Variants in ARMH4 observed in about 807,000 individuals in gnomAD.
ARMH4 encodes the protein armadillo-like helical domain-containing protein 4.
Under a neutral mutation model 61.9 loss-of-function variants are expected in ARMH4, and 49 were observed. The ratio of observed to expected loss-of-function variants is 0.79; its 90% confidence interval spans 0.63 to 1.00. The LOEUF (loss-of-function observed/expected upper bound fraction) is 1.00. Among genes scored for constraint, ARMH4 ranks in the 50% least tolerant of loss-of-function variants. The pLI is 0.00. For synonymous variants in ARMH4, 368 were observed against 341.5 expected, an observed-to-expected ratio of 1.08 and a Z score of -0.85; for missense variants, 934 against 930.0, an observed-to-expected ratio of 1.00 and a Z score of -0.06.
intron 1 of ARMH4, among the ~76,000 whole-genome samples, chr14:58,143,494 C>T (rs1262684331): frequency 2.0e-5 from 3 of 152,128 alleles, no homozygotes; most frequent in Non-Finnish European, 4.4e-5. Flanking sequence ...GATGGAGTCT[C>T]ACTCTGTTGC....
intron 4 of ARMH4, among the ~76,000 whole-genome samples, chr14:58,126,609 A>T (rs1199373056): frequency 1.3e-5 from 2 of 152,200 alleles, no homozygotes. Flanking sequence ...TTTCTGCCCC[A>T]TGTATGGTGC....
intron 5 of ARMH4, among the ~76,000 whole-genome samples, chr14:58,029,039 C>A (rs1883120375): frequency 6.6e-6 from 1 of 151,952 alleles, no homozygotes. Context: ...TATCAACACC[C>A]CCCCTCCAAA....
At chr14:58,115,126 A>G (rs370642202) in intron 4 of ARMH4, among the ~76,000 whole-genome samples, 1 of 152,336 alleles carries the variant, frequency 6.6e-6, no homozygotes, top group East Asian at 1.9e-4. Context: ...TTTGCACAGC[A>G]AAAGAAACTA....
chr14:58,148,279 T>C (rs545812805), intron 1 of ARMH4, among the ~76,000 whole-genome samples: 175 of 152,286 alleles, frequency 1.1e-3, no homozygotes, highest in African/African-American at 4.1e-3. Flanking sequence ...ACTCTTGGCT[T>C]CGTGATCCAC....
intron 5 of ARMH4, among the ~76,000 whole-genome samples, chr14:58,028,092 C>T (rs994081524): frequency 6.6e-6 from 1 of 152,174 alleles, no homozygotes; most frequent in Non-Finnish European, 1.5e-5. Context: ...GAAGTACAGC[C>T]AGTCTCAACT....
intron 5 of ARMH4, among the ~76,000 whole-genome samples, chr14:58,058,376 A>G (rs1306959890): frequency 6.6e-6 from 1 of 152,188 alleles, no homozygotes. Context: ...AAGTAAAGGA[A>G]TAAAAGAATG....
chr14:58,061,580 A>C (rs1207531391), intron 5 of ARMH4, among the ~76,000 whole-genome samples: 2 of 152,234 alleles, frequency 1.3e-5, no homozygotes, highest in Non-Finnish European at 2.9e-5. Context: ...TGAGAGTTAC[A>C]GGAGAAATGA....
At chr14:58,076,946 C>G (rs1885066167) in intron 5 of ARMH4, among the ~76,000 whole-genome samples, 1 of 152,208 alleles carries the variant, frequency 6.6e-6, no homozygotes, top group Non-Finnish European at 1.5e-5. Flanking sequence ...GCTTTGTCTA[C>G]ACCAAGGCTT....
intron 1 of ARMH4, among the ~76,000 whole-genome samples, chr14:58,140,361 A>T (rs989137457): frequency 3.3e-5 from 5 of 151,658 alleles, no homozygotes; most frequent in Non-Finnish European, 7.4e-5. Flanking sequence ...CCAGCAGATC[A>T]CTTGAGGTCA....
intron 1 of ARMH4, chr14:58,141,375 C>G (rs1006254080): frequency 6.6e-5 from 34 of 515,482 alleles, no homozygotes; most frequent in South Asian, 5.2e-4. Context: ...AAATTCAGGA[C>G]AAGGAGGGTA....
At chr14:58,068,643 C>T (rs1374063641) in intron 5 of ARMH4, among the ~76,000 whole-genome samples, 1 of 152,130 alleles carries the variant, frequency 6.6e-6, no homozygotes, top group East Asian at 1.9e-4. Flanking sequence ...AAAGTGTTAC[C>T]AGGAAAGTGT....
At chr14:58,054,669 A>G (rs1373005902) in intron 5 of ARMH4, among the ~76,000 whole-genome samples, 2 of 152,048 alleles carry the variant, frequency 1.3e-5, no homozygotes, top group African/African-American at 4.8e-5. Context: ...AGGCTGAGGC[A>G]GGCAGATTAC....
intron 5 of ARMH4, among the ~76,000 whole-genome samples, chr14:58,015,865 G>A (rs1322763965): frequency 6.9e-6 from 1 of 144,558 alleles, no homozygotes; most frequent in Non-Finnish European, 1.5e-5. Flanking sequence ...AGGTAACATA[G>A]CGAGACTCCT....
At chr14:58,019,192 A>C (rs1882723391) in intron 5 of ARMH4, among the ~76,000 whole-genome samples, 1 of 152,198 alleles carries the variant, frequency 6.6e-6, no homozygotes, top group Non-Finnish European at 1.5e-5. Flanking sequence ...ACAACACATA[A>C]CTATTGTTAA....
chr14:58,051,000 G>T (rs1884119985), intron 5 of ARMH4, among the ~76,000 whole-genome samples: 1 of 151,660 alleles, frequency 6.6e-6, no homozygotes, highest in Admixed American at 6.6e-5. Flanking sequence ...ACAATTAAAG[G>T]AAAGATTCCC....
intron 5 of ARMH4, among the ~76,000 whole-genome samples, chr14:58,095,483 T>C (rs761118603): frequency 4.2e-4 from 64 of 152,210 alleles, no homozygotes; most frequent in Admixed American, 1.1e-3. Context: ...GAGATAATCT[T>C]ATTTTGTGTT....
chr14:58,059,116 C>T (rs1884446936), intron 5 of ARMH4, among the ~76,000 whole-genome samples: 1 of 152,172 alleles, frequency 6.6e-6, no homozygotes, highest in Non-Finnish European at 1.5e-5. Flanking sequence ...AAAGAGCAGA[C>T]AGTTTAAGGT....
chr14:58,092,371 G>A (rs562406976), intron 5 of ARMH4, among the ~76,000 whole-genome samples: 14 of 152,248 alleles, frequency 9.2e-5, no homozygotes, highest in Middle Eastern at 3.4e-3. Flanking sequence ...CAATGTTTAC[G>A]CTCTGAGCAT....
At chr14:58,135,113 A>T (rs1321809151) in intron 2 of ARMH4, among the ~76,000 whole-genome samples, 1 of 152,172 alleles carries the variant, frequency 6.6e-6, no homozygotes, top group Non-Finnish European at 1.5e-5. Flanking sequence ...CATCCAGTTA[A>T]CACTATTTTT....
Sources: allele counts gnomAD v4.1 joint callset (sites outside exome capture counted in the v4.1 genomes callset), GRCh38; gene constraint gnomAD v4.1.1; transcripts MANE v1.5; gene names NCBI Gene and HGNC (gene_info 2026-07-23, HGNC 2026-07-21).